The following ANO6 variants were observed in gnomAD, a reference collection of about 807,000 sequenced individuals.
ANO6 encodes anoctamin 6, also known as anoctamin-6.
Under a neutral mutation model 117.5 loss-of-function variants are expected in ANO6, and 106 were observed. The observed-to-expected ratio is 0.90, with a 90% CI of 0.77 to 1.06. ANO6 has a LOEUF of 1.06. Among genes scored for constraint, ANO6 ranks in the 50% least tolerant of loss-of-function variants. The pLI, the probability that ANO6 is intolerant of heterozygous loss-of-function variation, is 0.00. For synonymous variants in ANO6, 367 were observed against 385.1 expected (o/e 0.95, Z 0.55); for missense variants, 955 against 1,121.1 (o/e 0.85, Z 2.12).
At chr12:45,433,317 C>T (rs775029844), downstream of ANO6, among the ~76,000 whole-genome samples, 6 of 152,198 alleles carry the variant, frequency 3.9e-5, no homozygotes, top group Non-Finnish European at 8.8e-5. Context: ...AATAAATAGC[C>T]TTTCCTTCTC....
chr12:45,341,953 A>G (rs1474533105), intron 3 of ANO6, among the ~76,000 whole-genome samples: 2 of 152,144 alleles, frequency 1.3e-5, no homozygotes, highest in African/African-American at 4.8e-5. Context: ...GCCAAGCATC[A>G]TGCCGAGTGC....
chr12:45,267,381 A>G (rs1289150811), intron 1 of ANO6, among the ~76,000 whole-genome samples: 1 of 152,082 alleles, frequency 6.6e-6, no homozygotes. Flanking sequence ...TTTCAACTTA[A>G]TCACCTCTTT....
At chr12:45,375,392 G>A (rs1281232217) in intron 9 of ANO6, among the ~76,000 whole-genome samples, 5 of 152,148 alleles carry the variant, frequency 3.3e-5, no homozygotes, top group African/African-American at 1.2e-4. Context: ...AGCCCGCATA[G>A]CCAAGTCATT....
At chr12:45,408,591 G>A (rs113818392) in intron 15 of ANO6, among the ~76,000 whole-genome samples, 52 of 152,164 alleles carry the variant, frequency 3.4e-4, no homozygotes, top group Non-Finnish European at 1.9e-4. Flanking sequence ...TGGAGGAGGC[G>A]TTTCACTCCT....
At chr12:45,327,203 A>G (rs189668661) in intron 2 of ANO6, among the ~76,000 whole-genome samples, 1 of 152,202 alleles carries the variant, frequency 6.6e-6, no homozygotes. Flanking sequence ...GGCAGTATCC[A>G]TAGCAAAGTT....
chr12:45,432,971 A>T (rs994486497), downstream of ANO6, among the ~76,000 whole-genome samples: 1 of 152,230 alleles, frequency 6.6e-6, no homozygotes, highest in Non-Finnish European at 1.5e-5. Flanking sequence ...GCAGTAGGTT[A>T]TACTAACAAA....
At chr12:45,383,863 C>G in intron 10 of ANO6, among the ~76,000 whole-genome samples, 1 of 152,204 alleles carries the variant, frequency 6.6e-6, no homozygotes, top group East Asian at 1.9e-4. Flanking sequence ...TTGGCTTCAA[C>G]ATGAAGTCAC....
intron 1 of ANO6, among the ~76,000 whole-genome samples, chr12:45,299,273 A>C (rs780231070): frequency 5.9e-5 from 9 of 152,198 alleles, no homozygotes; most frequent in Non-Finnish European, 8.8e-5. Context: ...AGTATGTTAC[A>C]ACTCTCTCAG....
chr12:45,437,017 G>A (rs1198935411), downstream of ANO6, among the ~76,000 whole-genome samples: 1 of 152,078 alleles, frequency 6.6e-6, no homozygotes, highest in African/African-American at 2.4e-5. Flanking sequence ...TAGGCCCCAG[G>A]GTTATACCTT....
intron 2 of ANO6, among the ~76,000 whole-genome samples, chr12:45,330,859 A>G (rs555012565): frequency 3.3e-4 from 50 of 152,084 alleles, no homozygotes; most frequent in Non-Finnish European, 6.3e-4. Context: ...AAAAATGGTA[A>G]AAGGTTAGAA....
chr12:45,364,834 A>G (rs1941644177), intron 8 of ANO6, among the ~76,000 whole-genome samples: 1 of 152,066 alleles, frequency 6.6e-6, no homozygotes, highest in African/African-American at 2.4e-5. Context: ...ATAGTTTTCC[A>G]TTTCTTGGTG....
intron 15 of ANO6, among the ~76,000 whole-genome samples, chr12:45,403,962 C>A (rs1555178206): frequency 6.6e-6 from 1 of 150,584 alleles, no homozygotes; most frequent in Non-Finnish European, 1.5e-5. Flanking sequence ...ATATTAAGTG[C>A]TATATATATA....
In ANO6 at chr12:45,290,831, C is replaced by G. The variant is rs143815147; in HGVS notation, c.71-11183C>G. ...ATGAGATGGCAAGTTGTCCAAATACCAAAACAATTCTGAAAAAGAATAAAG... is the reference window on the plus strand; with the variant it reads ...ATGAGATGGCAAGTTGTCCAAATACGAAAACAATTCTGAAAAAGAATAAAG... On this transcript the variant is annotated intron_variant, in intron 1 of 19. Transcript: ENST00000320560. Among the ~76,000 whole-genome samples the G allele has an allele frequency of 1.3e-3, 201 of 152,108 alleles. 2 individuals are homozygous for G. The highest frequency in any genetic ancestry group is 4.6e-3 in the African/African-American group (191 of 41,498).
Position 45,347,138 on chromosome 12 carries a change from C to G in ANO6, c.345+51C>G, listed in dbSNP as rs757060880. 1.9e-6 allele frequency: 3 copies of G among 1,558,788 alleles called. No individual in the cohort carries two copies. In the African/African-American group the frequency reaches 4.1e-5, roughly 21 times the overall value. On this transcript the variant is annotated intron_variant, in intron 4 of 19. Coordinates refer to ENST00000320560, the MANE Select transcript of ANO6 (RefSeq NM_001025356.3). ...TCGGCTGACCACTGTTCTCGGGCAG[C>G]TTCGTGCCACTTGGAATACTTGGGT...
At chr12:45,360,937 A>T (rs1050986589) in intron 8 of ANO6, among the ~76,000 whole-genome samples, 9 of 152,210 alleles carry the variant, frequency 5.9e-5, no homozygotes, top group African/African-American at 2.2e-4. Context: ...CCATTGATCT[A>T]CATGTCTGCA....
rs761915443 is a variant in ANO6, at chr12:45,401,798, C to T, written c.1390C>T (p.Leu464=). The change falls in exon 13 of 20, where the codon CTA becomes TTA. Residue 464 remains leucine (L), a synonymous_variant. Transcript: ENST00000320560. ...LCASAVFFWI[L]LIIASVIGII... ...ACTGTGTTTGTTGTGCTTTCAGATCCTATTGATCATCGCTTCAGTTATTGG... is the reference window on the plus strand; with the variant it reads ...ACTGTGTTTGTTGTGCTTTCAGATCTTATTGATCATCGCTTCAGTTATTGG... The T allele has an allele frequency of 9.3e-6, 15 of 1,612,308 alleles. No individual in the cohort carries two copies. Among genetic ancestry groups the T allele is most frequent in the Middle Eastern group, 1.6e-4 (1 of 6,082 alleles).
intron 19 of ANO6, among the ~76,000 whole-genome samples, chr12:45,424,173 CT>C (rs1281938521): frequency 2.0e-5 from 3 of 151,902 alleles, no homozygotes; most frequent in Non-Finnish European, 4.4e-5. Context: ...TGGCCTTCTC[CT>C]TTTGATATTG....
At chr12:45,434,137 C>G (rs1943681151), downstream of ANO6, among the ~76,000 whole-genome samples, 1 of 152,176 alleles carries the variant, frequency 6.6e-6, no homozygotes, top group Admixed American at 6.5e-5. Flanking sequence ...TGGCCATAAT[C>G]AAACCTAGTT....
intron 1 of ANO6, among the ~76,000 whole-genome samples, chr12:45,269,036 T>G (rs1938308424): frequency 6.6e-6 from 1 of 152,204 alleles, no homozygotes; most frequent in South Asian, 2.1e-4. Context: ...TTGCAGACCC[T>G]CCAAGCTAAC....
Sources: allele counts gnomAD v4.1 joint callset (sites outside exome capture counted in the v4.1 genomes callset), GRCh38; gene constraint gnomAD v4.1.1; transcripts MANE v1.5; gene names NCBI Gene and HGNC (gene_info 2026-07-23, HGNC 2026-07-21).